SOX6: variants seen among roughly 807,000 people sequenced by gnomAD.
SOX6 encodes transcription factor SOX-6.
SOX6 carries 11 observed loss-of-function variants against 97.8 expected under a neutral mutation model. The observed-to-expected ratio is 0.11, with a 90% CI of 0.07 to 0.19. The LOEUF (loss-of-function observed/expected upper bound fraction) is 0.19. Among genes scored for constraint, SOX6 ranks in the 10% least tolerant of loss-of-function variants. The probability of loss-of-function intolerance (pLI) is 1.00; values close to 1 mark genes in which losing one functional copy is unlikely to be tolerated. For synonymous variants in SOX6, 360 were observed against 371.4 expected, an observed-to-expected ratio of 0.97 and a Z score of 0.35; for missense variants, 810 against 1,039.5, an observed-to-expected ratio of 0.78 and a Z score of 3.04.
chr11:16,341,017 T>C lies in SOX6; in HGVS notation c.232A>G (p.Arg78Gly), dbSNP rs1205696272. The stretch of plus-strand genomic sequence containing the variant: ...GTCAGATTTTAAAGGCTCACCATTC[T>C]TTGCTGAGATGACAGAACGCTGTCC... The part of the protein sequence containing the change: ...DWDSVLSSQQ[R>G]MESENNKLCS... The change falls in exon 2 of 16, where the codon AGA (arginine) becomes GGA (glycine). Residue 78 changes from arginine to glycine, a missense_variant. Coordinates refer to ENST00000683767, the MANE Select transcript of SOX6 (RefSeq NM_001367873.1). 3.1e-6 allele frequency: 5 copies of C among 1,613,324 alleles called. No individual in the cohort carries two copies. In the East Asian group the frequency reaches 1.1e-4, roughly 36 times the overall value.
chr11:16,256,807 G>C (rs12798980), intron 3 of SOX6, among the ~76,000 whole-genome samples: 25,236 of 151,736 alleles, frequency 0.17, 2,591 homozygotes, highest in Admixed American at 0.29. Flanking sequence ...CATCTGAGTA[G>C]AAAATAAGAC....
chr11:15,992,682 G>T (rs1854091892), intron 13 of SOX6, among the ~76,000 whole-genome samples: 1 of 151,970 alleles, frequency 6.6e-6, no homozygotes, highest in African/African-American at 2.4e-5. Flanking sequence ...TTAACACCTG[G>T]GTAATGTACA....
At chr11:16,296,557 G>C (rs1590102679) in intron 3 of SOX6, among the ~76,000 whole-genome samples, 1 of 152,132 alleles carries the variant, frequency 6.6e-6, no homozygotes, top group East Asian at 1.9e-4. Context: ...AGCTGTTTAT[G>C]TGTAGCTCAC....
intron 4 of SOX6, among the ~76,000 whole-genome samples, chr11:16,597,356 A>C (rs920220208): frequency 6.6e-6 from 1 of 151,054 alleles, no homozygotes. Flanking sequence ...ATATATATTA[A>C]ATATATATAC....
chr11:16,151,353 G>A (rs1323383502), intron 6 of SOX6, among the ~76,000 whole-genome samples: 2 of 152,080 alleles, frequency 1.3e-5, no homozygotes, highest in East Asian at 1.9e-4. Flanking sequence ...TTTTCCGATC[G>A]CTCTTGCAGC....
chr11:16,698,078 A>T (rs919332846), intron 3 of SOX6, among the ~76,000 whole-genome samples: 5 of 152,192 alleles, frequency 3.3e-5, no homozygotes, highest in African/African-American at 1.2e-4. Flanking sequence ...GGAGAGTCAG[A>T]CTGTCCTTCA....
At chr11:16,482,381 T>C (rs1860359437) in intron 4 of SOX6, among the ~76,000 whole-genome samples, 1 of 152,210 alleles carries the variant, frequency 6.6e-6, no homozygotes. Flanking sequence ...GTTTAAAACA[T>C]TGACATATTT....
intron 4 of SOX6, among the ~76,000 whole-genome samples, chr11:16,519,520 C>A (rs144276198): frequency 1.5e-3 from 223 of 152,166 alleles, no homozygotes; most frequent in Middle Eastern, 3.4e-3. Flanking sequence ...CTGCAAAGGA[C>A]ATGATTTCAT....
chr11:16,499,051 G>C (rs181169780), intron 4 of SOX6, among the ~76,000 whole-genome samples: 179 of 152,262 alleles, frequency 1.2e-3, no homozygotes, highest in Middle Eastern at 3.4e-3. Flanking sequence ...TGACCACATA[G>C]TTGGAAGTAA....
chr11:16,261,349 T>A (rs1853888574), intron 3 of SOX6, among the ~76,000 whole-genome samples: 1 of 152,172 alleles, frequency 6.6e-6, no homozygotes, highest in Non-Finnish European at 1.5e-5. Context: ...TAATATTTTG[T>A]GCACTTAAAT....
intron 6 of SOX6, among the ~76,000 whole-genome samples, chr11:16,126,616 G>A (rs1461528323): frequency 6.6e-6 from 1 of 152,090 alleles, no homozygotes; most frequent in Non-Finnish European, 1.5e-5. Context: ...CACATAATTT[G>A]TTTATGTTGT....
At chr11:16,435,045 A>G (rs1859347840) in intron 1 of SOX6, among the ~76,000 whole-genome samples, 1 of 152,176 alleles carries the variant, frequency 6.6e-6, no homozygotes, top group Non-Finnish European at 1.5e-5. Flanking sequence ...GTTGAAACTT[A>G]AAGTTATTAT....
At chr11:16,590,163 C>T (rs1485401665) in intron 4 of SOX6, among the ~76,000 whole-genome samples, 1 of 152,114 alleles carries the variant, frequency 6.6e-6, no homozygotes, top group African/African-American at 2.4e-5. Flanking sequence ...TTGAAAGACA[C>T]ATAGAAAACT....
At chr11:16,311,205 T>C (rs1377555804) in intron 3 of SOX6, 1 of 152,170 alleles carries the variant, frequency 6.6e-6, no homozygotes, top group Admixed American at 6.6e-5. Flanking sequence ...ACATTTCCTA[T>C]GATTCTGTCT....
intron 4 of SOX6, among the ~76,000 whole-genome samples, chr11:16,549,779 T>C (rs1847662111): frequency 6.6e-6 from 1 of 152,200 alleles, no homozygotes; most frequent in Non-Finnish European, 1.5e-5. Flanking sequence ...TACAAAATAC[T>C]GTTACCTACA....
Position 16,305,073 on chromosome 11 carries a change from C to T in SOX6, c.445+13373G>A, listed in dbSNP as rs544258536. Reference sequence around the variant, plus strand: ...TACAGTAAAAAATTGTTCAGTTGGACCTCATCAAAATTATAAACTTTCATC... The same window carrying T: ...TACAGTAAAAAATTGTTCAGTTGGATCTCATCAAAATTATAAACTTTCATC... On this transcript the variant is annotated intron_variant, in intron 3 of 15. Coordinates refer to ENST00000683767, the MANE Select transcript of SOX6 (RefSeq NM_001367873.1). Among the ~76,000 whole-genome samples, 304 of 152,014 alleles carry T rather than the reference C, an allele frequency of 2.0e-3. 1 individual carries two copies. Among genetic ancestry groups the T allele is most frequent in the Middle Eastern group, 0.01 (3 of 294 alleles).
At position 16,607,709 on chromosome 11, in the gene SOX6, G is replaced by C. The variant is rs1373378638; in HGVS notation, n.609+4372C>G. On this transcript the variant is annotated intron_variant and non_coding_transcript_variant, in intron 4 of 5. Transcript: ENST00000524520. This position sits in a 1 kb window ranked among gnomAD's most constrained non-coding sequence, Gnocchi z 6.5. The stretch of plus-strand genomic sequence containing the variant: ...GTCAATCTTGGCAATCAGTGTGAGC[G>C]GCCATGTCGTAAGTATTCAAAGCAT... 2.0e-5 allele frequency: 3 copies of C among 152,474 alleles called. No individual in the cohort carries two copies. Among genetic ancestry groups the C allele is most frequent in the Non-Finnish European group, 4.4e-5 (3 of 68,222 alleles). 9.4% of individuals were successfully genotyped at this position (152,474 alleles called of 1,614,324 possible).
upstream of SOX6, among the ~76,000 whole-genome samples, chr11:16,357,374 G>A (rs1263484142): frequency 6.6e-6 from 1 of 152,104 alleles, no homozygotes; most frequent in African/African-American, 2.4e-5. Flanking sequence ...TTTCTGTGCG[G>A]GAGAATTAAG....
At chr11:16,535,313 A>T (rs1323577288) in intron 4 of SOX6, among the ~76,000 whole-genome samples, 1 of 152,214 alleles carries the variant, frequency 6.6e-6, no homozygotes, top group Non-Finnish European at 1.5e-5. Flanking sequence ...GCTATTATTT[A>T]TACCTATGCC....
Sources: gnomAD v4.1 joint callset for allele counts (sites outside exome capture counted in the v4.1 genomes callset) on GRCh38, gnomAD v4.1.1 for gene constraint, Gnocchi (gnomAD v3.1) non-coding constraint, MANE v1.5 for transcripts, NCBI Gene and HGNC (gene_info 2026-07-23, HGNC 2026-07-21) for gene names.